PRKD1: variants seen among roughly 807,000 people sequenced by gnomAD.
The protein encoded by PRKD1 is serine/threonine-protein kinase D1.
In PRKD1, 63 loss-of-function variants were observed where a neutral mutation model predicts 95.9. The ratio of observed to expected loss-of-function variants is 0.66; its 90% CI spans 0.54 to 0.81. PRKD1 has a LOEUF of 0.81. Ranked by LOEUF, PRKD1 falls within the 30% of genes least tolerant of loss-of-function variation. The pLI, the probability that PRKD1 is intolerant of heterozygous loss-of-function variation, is 0.00. For synonymous variants in PRKD1, 425 were observed against 423.1 expected (o/e 1.00, Z -0.05); for missense variants, 1,048 against 1,165.3 (o/e 0.90, Z 1.47).
chr14:29,753,322 C>A (rs1036167604), intron 1 of PRKD1, among the ~76,000 whole-genome samples: 2 of 152,090 alleles, frequency 1.3e-5, no homozygotes, highest in South Asian at 4.1e-4. Flanking sequence ...TTACCTTAAA[C>A]TTAAGTAGCT....
At chr14:29,622,282 G>T (rs1408731281) in intron 13 of PRKD1, among the ~76,000 whole-genome samples, 1 of 152,248 alleles carries the variant, frequency 6.6e-6, no homozygotes, top group South Asian at 2.1e-4. Flanking sequence ...GCCACGTACA[G>T]GTACAGGTCC....
chr14:29,730,246 G>A (rs1473396384), intron 1 of PRKD1, among the ~76,000 whole-genome samples: 1 of 151,918 alleles, frequency 6.6e-6, no homozygotes, highest in African/African-American at 2.4e-5. Context: ...ACATATAAAT[G>A]GACAACACGT....
intron 1 of PRKD1, among the ~76,000 whole-genome samples, chr14:29,845,727 T>C (rs1477983022): frequency 6.6e-6 from 1 of 152,192 alleles, no homozygotes; most frequent in Non-Finnish European, 1.5e-5. Context: ...TGTCTAAGAA[T>C]ACGTTAATGT....
intron 2 of PRKD1, among the ~76,000 whole-genome samples, chr14:29,714,554 T>C (rs1594452589): frequency 6.6e-6 from 1 of 152,292 alleles, no homozygotes; most frequent in African/African-American, 2.4e-5. Flanking sequence ...GTGTGGTGAT[T>C]CCTCAAGGAT....
chr14:29,643,324 A>G (rs1194032553), intron 4 of PRKD1, among the ~76,000 whole-genome samples: 5 of 152,236 alleles, frequency 3.3e-5, no homozygotes, highest in Non-Finnish European at 7.3e-5. Flanking sequence ...CGTAATGATG[A>G]AAGTTGTATT....
chr14:29,703,058 C>G (rs1884916259), intron 2 of PRKD1, among the ~76,000 whole-genome samples: 1 of 152,048 alleles, frequency 6.6e-6, no homozygotes, highest in Non-Finnish European at 1.5e-5. Context: ...ATTTTCTTTG[C>G]CACGTGGTCA....
chr14:29,580,013 C>T (rs1892702011), intron 16 of PRKD1, among the ~76,000 whole-genome samples: 1 of 152,032 alleles, frequency 6.6e-6, no homozygotes, highest in Non-Finnish European at 1.5e-5. Context: ...AGTCACCCGG[C>T]AAAAATGGAG....
chr14:29,719,945 G>A (rs1885805384), intron 2 of PRKD1, among the ~76,000 whole-genome samples: 1 of 152,148 alleles, frequency 6.6e-6, no homozygotes, highest in Non-Finnish European at 1.5e-5. Flanking sequence ...GCATGATTTT[G>A]GAGAGTTATG....
intron 1 of PRKD1, among the ~76,000 whole-genome samples, chr14:29,853,647 T>G (rs1892389115): frequency 2.0e-5 from 3 of 152,224 alleles, no homozygotes; most frequent in Admixed American, 2.0e-4. Flanking sequence ...TAAGTTACAC[T>G]TGTGGAAGGA....
chr14:29,926,074 C>T (rs1895284457), intron 1 of PRKD1, among the ~76,000 whole-genome samples: 1 of 152,178 alleles, frequency 6.6e-6, no homozygotes, highest in Non-Finnish European at 1.5e-5. Context: ...CTCATTGTTA[C>T]CTTAGTCTAG....
chr14:29,826,618 T>TAC (rs1236098003), intron 1 of PRKD1, among the ~76,000 whole-genome samples: 1 of 127,480 alleles, frequency 7.8e-6, no homozygotes, highest in South Asian at 2.3e-4. Flanking sequence ...TACATACATA[T>TAC]ACACACACAT....
At chr14:29,722,378 C>T (rs895700686) in intron 2 of PRKD1, among the ~76,000 whole-genome samples, 2 of 152,176 alleles carry the variant, frequency 1.3e-5, no homozygotes, top group Non-Finnish European at 2.9e-5. Context: ...TATCACTCGC[C>T]TTGCCACAAA....
Position 29,927,363 on chromosome 14 carries a change from C to A in PRKD1, c.150G>T (p.Ser50=). ...APVAAPVGGI[S]FHLQIGLSRE... is the part of the protein sequence containing the mutation. ...GGCTCAGGCCGATCTGCAGATGGAA[C>A]GAGATGCCCCCGACCGGGGCCGCGA... The change falls in exon 1 of 18, where the codon TCG becomes TCT. Residue 50 remains serine (S), a synonymous_variant. Coordinates refer to ENST00000331968, the MANE Select transcript of PRKD1 (RefSeq NM_002742.3). 3 of 1,563,724 alleles carry A rather than the reference C, an allele frequency of 1.9e-6. No individual in the cohort carries two copies. The highest frequency in any genetic ancestry group is 2.3e-5 in the South Asian group (2 of 85,580).
At chr14:29,649,787 A>G (rs1280130568) in intron 4 of PRKD1, among the ~76,000 whole-genome samples, 2 of 152,094 alleles carry the variant, frequency 1.3e-5, no homozygotes, top group African/African-American at 4.8e-5. Flanking sequence ...AAGTTTTTTA[A>G]TATACATTCC....
intron 2 of PRKD1, among the ~76,000 whole-genome samples, chr14:29,697,981 G>A (rs561979065): frequency 6.6e-6 from 1 of 152,250 alleles, no homozygotes; most frequent in African/African-American, 2.4e-5. Context: ...AAATTCACAA[G>A]AAAACAAGAG....
At chr14:29,875,525 T>C (rs1232442657) in intron 1 of PRKD1, among the ~76,000 whole-genome samples, 2 of 152,236 alleles carry the variant, frequency 1.3e-5, no homozygotes, top group African/African-American at 2.4e-5. Flanking sequence ...TAATATTGTT[T>C]GTGCTATGCA....
intron 12 of PRKD1, among the ~76,000 whole-genome samples, chr14:29,625,478 GT>G (rs1879557958): frequency 6.6e-6 from 1 of 152,004 alleles, no homozygotes; most frequent in South Asian, 2.1e-4. Flanking sequence ...ACTCTCATTT[GT>G]CACCCTTGTC....
chr14:29,730,136 C>T (rs1041957104), intron 1 of PRKD1, among the ~76,000 whole-genome samples: 1 of 151,886 alleles, frequency 6.6e-6, no homozygotes, highest in Non-Finnish European at 1.5e-5. Flanking sequence ...AACAAATAAT[C>T]CAATTAAGAA....
intron 1 of PRKD1, among the ~76,000 whole-genome samples, chr14:29,764,869 T>C (rs1888186144): frequency 6.6e-6 from 1 of 152,226 alleles, no homozygotes; most frequent in Admixed American, 6.5e-5. Context: ...ATGGCCTTAC[T>C]AGTGGAAGAT....
Sources: allele counts gnomAD v4.1 joint callset (sites outside exome capture counted in the v4.1 genomes callset), GRCh38; gene constraint gnomAD v4.1.1; transcripts MANE v1.5; gene names NCBI Gene and HGNC (gene_info 2026-07-23, HGNC 2026-07-21).